GRM7: variants seen among roughly 807,000 people sequenced by gnomAD.
GRM7 encodes metabotropic glutamate receptor 7.
In GRM7, 35 loss-of-function variants were observed where a neutral mutation model predicts 84.5. That is an observed-to-expected ratio of 0.41 (90% confidence interval 0.32 to 0.55). The LOEUF (loss-of-function observed/expected upper bound fraction) is 0.55, where lower values mean the gene tolerates loss of function less well. GRM7 is among the 20% of genes least tolerant of loss of function. The probability of loss-of-function intolerance (pLI) is 0.19; values close to 1 mark genes in which losing one functional copy is unlikely to be tolerated. For synonymous variants in GRM7, 487 were observed against 455.1 expected (o/e 1.07, Z -0.89); for missense variants, 1,003 against 1,194.6 (o/e 0.84, Z 2.36).
At chr3:7,522,873 A>G (rs762842579) in intron 7 of GRM7, among the ~76,000 whole-genome samples, 21 of 151,258 alleles carry the variant, frequency 1.4e-4, no homozygotes, top group Non-Finnish European at 2.8e-4. Context: ...GCCCCTTATG[A>G]TGGGATTGGT....
chr3:7,110,542 C>G (rs188805426), intron 1 of GRM7, among the ~76,000 whole-genome samples: 22 of 151,428 alleles, frequency 1.5e-4, no homozygotes, highest in African/African-American at 4.1e-4. Flanking sequence ...TTGCAGTGAG[C>G]CAAGATTGTG....
intron 1 of GRM7, among the ~76,000 whole-genome samples, chr3:7,005,528 G>C (rs1388121525): frequency 6.6e-6 from 1 of 152,104 alleles, no homozygotes; most frequent in East Asian, 1.9e-4. Context: ...TGTTAATTTA[G>C]GTATTTGCAG....
chr3:6,896,897 A>G lies in GRM7; in HGVS notation c.519+34990A>G, dbSNP rs1574985367. ...TTTCGTCTTCAACTGTGCTCCAACA[A>G]TTGTGTGTGCATGTGAATGTATGTG... On this transcript the variant is annotated intron_variant, in intron 1 of 9. Coordinates refer to ENST00000357716, the MANE Select transcript of GRM7 (RefSeq NM_000844.4). Among the ~76,000 whole-genome samples the G allele has an allele frequency of 3.3e-5, 5 of 152,216 alleles. No individual in the cohort carries two copies. The East Asian group carries it at 9.7e-4, about 30-fold the overall frequency.
intron 2 of GRM7, among the ~76,000 whole-genome samples, chr3:7,198,531 AAT>A (rs919654047): frequency 1.3e-5 from 2 of 152,160 alleles, no homozygotes; most frequent in Non-Finnish European, 2.9e-5. Flanking sequence ...TAAGTCTGAA[AAT>A]ATCTTAAGTC....
intron 2 of GRM7, among the ~76,000 whole-genome samples, chr3:7,293,558 C>G (rs1267813579): frequency 2.6e-5 from 4 of 152,152 alleles, no homozygotes; most frequent in Non-Finnish European, 5.9e-5. Context: ...CCTACTTGTT[C>G]GCTCCCCACA....
intron 8 of GRM7, among the ~76,000 whole-genome samples, chr3:7,648,671 T>TC (rs1698777762): frequency 6.8e-6 from 1 of 146,926 alleles, no homozygotes; most frequent in African/African-American, 2.5e-5. Context: ...AAAAAAAGGA[T>TC]CAAGAAGAGG....
intron 1 of GRM7, among the ~76,000 whole-genome samples, chr3:7,105,926 T>G (rs1166695876): frequency 6.6e-6 from 1 of 151,852 alleles, no homozygotes; most frequent in Non-Finnish European, 1.5e-5. Flanking sequence ...CTTTCAAATG[T>G]CCCCATTTGG....
At chr3:7,730,426 AG>A (rs1317690028) in intron 9 of GRM7, among the ~76,000 whole-genome samples, 2 of 152,252 alleles carry the variant, frequency 1.3e-5, no homozygotes, top group Admixed American at 1.3e-4. Flanking sequence ...TGCCTAAAAC[AG>A]TATCTGACAA....
chr3:7,379,964 C>G (rs1164329600), intron 4 of GRM7, among the ~76,000 whole-genome samples: 1 of 152,148 alleles, frequency 6.6e-6, no homozygotes, highest in East Asian at 1.9e-4. Flanking sequence ...TTCTTACTAC[C>G]TTTATTTTCC....
intron 2 of GRM7, among the ~76,000 whole-genome samples, chr3:7,179,740 G>A (rs994438591): frequency 6.6e-6 from 1 of 152,184 alleles, no homozygotes; most frequent in East Asian, 1.9e-4. Context: ...GAAGTGCAAT[G>A]CTTGTCTTAA....
At chr3:7,049,099 C>G (rs1331678731) in intron 1 of GRM7, among the ~76,000 whole-genome samples, 1 of 151,954 alleles carries the variant, frequency 6.6e-6, no homozygotes, top group Non-Finnish European at 1.5e-5. Flanking sequence ...CCATTCACTC[C>G]TCTCACGTTA....
intron 1 of GRM7, among the ~76,000 whole-genome samples, chr3:7,114,055 A>G (rs1338233437): frequency 6.6e-6 from 1 of 152,176 alleles, no homozygotes; most frequent in Non-Finnish European, 1.5e-5. Flanking sequence ...CCTCTCAGAT[A>G]ATAGATACTG....
chr3:6,958,872 T>C (rs1227897709), intron 1 of GRM7, among the ~76,000 whole-genome samples: 6 of 152,118 alleles, frequency 3.9e-5, no homozygotes, highest in Admixed American at 2.6e-4. Flanking sequence ...AATCCAGTGG[T>C]TGAAGAGAAG....
intron 7 of GRM7, among the ~76,000 whole-genome samples, chr3:7,515,255 GT>G (rs1700335265): frequency 1.3e-5 from 2 of 150,562 alleles, no homozygotes; most frequent in African/African-American, 4.9e-5. Context: ...TCTTAACTCA[GT>G]TTCTTAACTT....
rs182532590 is a variant in GRM7, at chr3:7,719,608, C to T, written c.2699-20749C>T. Among the ~76,000 whole-genome samples, 156 of 152,104 alleles carry T rather than the reference C, an allele frequency of 1.0e-3. 1 individual carries two copies. The highest frequency in any genetic ancestry group is 3.4e-3 in the African/African-American group (143 of 41,502). On this transcript the variant is annotated intron_variant, in intron 9 of 9. Transcript: ENST00000357716. ...CTGGCGGATCATGAGGTCAGGAGATCGAGACCATCCTGGCTAACACAGTGA... is the reference window on the plus strand; with the variant it reads ...CTGGCGGATCATGAGGTCAGGAGATTGAGACCATCCTGGCTAACACAGTGA...
intron 5 of GRM7, among the ~76,000 whole-genome samples, chr3:7,418,367 A>T (rs565900010): frequency 6.6e-6 from 1 of 152,184 alleles, no homozygotes; most frequent in South Asian, 2.1e-4. Flanking sequence ...TTCAGCAAGT[A>T]TGTGGTTGTC....
rs1392915474 is a variant in GRM7 at position 7,400,021 on chromosome 3, G to T, written c.1034-15002G>T. Among the ~76,000 whole-genome samples the T allele has an allele frequency of 5.3e-5, 8 of 152,242 alleles. No individual in the cohort carries two copies. In the South Asian group the frequency reaches 6.2e-4, roughly 12 times the overall value. On this transcript the variant is annotated intron_variant, in intron 4 of 9. Transcript: ENST00000357716. ...GGTTTACATAAGTTATTACATGAAGGTTACTTAGAACCTAGAAATCGTTAA... is the reference window on the plus strand; with the variant it reads ...GGTTTACATAAGTTATTACATGAAGTTTACTTAGAACCTAGAAATCGTTAA...
intron 1 of GRM7, among the ~76,000 whole-genome samples, chr3:6,865,164 A>C (rs1694897268): frequency 6.6e-6 from 1 of 152,218 alleles, no homozygotes; most frequent in Non-Finnish European, 1.5e-5. Context: ...GAATTTCTGG[A>C]GATTTGTTCC....
At chr3:7,444,196 T>A (rs1697410810) in intron 5 of GRM7, among the ~76,000 whole-genome samples, 1 of 152,196 alleles carries the variant, frequency 6.6e-6, no homozygotes, top group South Asian at 2.1e-4. Flanking sequence ...TGGGATGGCA[T>A]AAACAGAGTT....
Sources: allele counts gnomAD v4.1 joint callset (sites outside exome capture counted in the v4.1 genomes callset), GRCh38; gene constraint gnomAD v4.1.1; transcripts MANE v1.5; gene names NCBI Gene and HGNC (gene_info 2026-07-23, HGNC 2026-07-21).